KIF3B: variants seen among roughly 807,000 people sequenced by gnomAD.
The protein encoded by KIF3B is kinesin family member 3B, also known as kinesin-like protein KIF3B.
In KIF3B, 38 loss-of-function variants were observed where a neutral mutation model predicts 74.3. That is an observed-to-expected ratio of 0.51 (90% confidence interval 0.39 to 0.67). KIF3B has a LOEUF of 0.67. KIF3B is among the 30% of genes least tolerant of loss of function. The pLI, the probability that KIF3B is intolerant of heterozygous loss-of-function variation, is 0.00. For synonymous variants in KIF3B, 326 were observed against 342.5 expected, an observed-to-expected ratio of 0.95 and a Z score of 0.53; for missense variants, 649 against 932.0, an observed-to-expected ratio of 0.70 and a Z score of 3.95.
intron 5 of KIF3B, among the ~76,000 whole-genome samples, chr20:32,319,013 T>G (rs2047842994): frequency 6.6e-6 from 1 of 151,824 alleles, no homozygotes; most frequent in Non-Finnish European, 1.5e-5. Flanking sequence ...CAGGCTGGTG[T>G]GCAGAGGTGC....
intron 1 of KIF3B, among the ~76,000 whole-genome samples, chr20:32,306,901 C>G (rs994665020): frequency 3.9e-5 from 6 of 152,060 alleles, no homozygotes; most frequent in African/African-American, 9.7e-5. Context: ...CCTTTCCTCT[C>G]TCTTTAGGCT....
intron 5 of KIF3B, among the ~76,000 whole-genome samples, chr20:32,322,754 A>ATTTATATATATTTATATTTATT (rs1448706946): frequency 3.9e-4 from 17 of 43,388 alleles, no homozygotes; most frequent in African/African-American, 2.3e-3. Context: ...ATTTATATAT[A>ATTTATATATATTTATATTTATT]TATTTATATA....
At chr20:32,317,506 C>G (rs2047834109) in intron 5 of KIF3B, among the ~76,000 whole-genome samples, 1 of 152,102 alleles carries the variant, frequency 6.6e-6, no homozygotes, top group South Asian at 2.1e-4. Flanking sequence ...AATAAATACC[C>G]AAGTACCCAT....
At chr20:32,301,335 G>A (rs773082292) in intron 1 of KIF3B, among the ~76,000 whole-genome samples, 7 of 151,826 alleles carry the variant, frequency 4.6e-5, no homozygotes, top group Middle Eastern at 3.2e-3. Context: ...AAAGTGCTGG[G>A]ATTACAGGTG....
At chr20:32,284,513 G>A (rs1316675631) in intron 1 of KIF3B, among the ~76,000 whole-genome samples, 2 of 152,180 alleles carry the variant, frequency 1.3e-5, no homozygotes, top group Non-Finnish European at 2.9e-5. Flanking sequence ...TCTAGGCTGG[G>A]TGTAGTGGCT....
intron 1 of KIF3B, among the ~76,000 whole-genome samples, chr20:32,307,235 G>A (rs2047776060): frequency 6.6e-6 from 1 of 152,058 alleles, no homozygotes; most frequent in Admixed American, 6.6e-5. Flanking sequence ...CACCCAAAGT[G>A]CATAATTTAC....
At chr20:32,277,918 C>G (rs2047624068) in intron 1 of KIF3B, among the ~76,000 whole-genome samples, 153 bp downstream of exon 1, 1 of 152,234 alleles carries the variant, frequency 6.6e-6, no homozygotes. Context: ...CTTTGGTAGT[C>G]CGGACGGCCT....
chr20:32,331,125 C>T lies in KIF3B; in HGVS notation c.2148-98C>T, dbSNP rs2047927625. ...TACAGTTGAACTTGTCGTTTTCAGG[C>T]CATTGAAGAATGGCCTGAAATGAAA... On this transcript the variant is annotated intron_variant, in intron 8 of 8. Coordinates refer to ENST00000375712, the MANE Select transcript of KIF3B (RefSeq NM_004798.4). 1.1e-5 allele frequency: 10 copies of T among 880,380 alleles called. No homozygotes were observed. In the South Asian group the frequency reaches 1.3e-4, roughly 11 times the overall value. The allele number at this position is 880,380 out of a possible 1,614,324, so 54.5% of individuals were successfully genotyped here. A position where few individuals can be genotyped will look rare whatever the true frequency, so the allele number is the denominator to read the frequency against.
At chr20:32,330,081 C>T in intron 7 of KIF3B, 60 bp from the exon 8 acceptor site, 2 of 1,491,372 alleles carry the variant, frequency 1.3e-6, no homozygotes, top group Non-Finnish European at 1.8e-6. Context: ...CCCTCGATTG[C>T]TTGTACTGCC....
chr20:32,320,600 T>C (rs2047855519), intron 5 of KIF3B, among the ~76,000 whole-genome samples: 1 of 151,694 alleles, frequency 6.6e-6, no homozygotes, highest in Admixed American at 6.6e-5. Flanking sequence ...CTCACAGCCT[T>C]GACCTCTTGG....
At chr20:32,316,957 T>G in intron 5 of KIF3B, 83 bp downstream of exon 5, 1 of 1,054,682 alleles carries the variant, frequency 9.5e-7, no homozygotes, top group Non-Finnish European at 1.5e-6. Context: ...CAGCCCTGGC[T>G]GGGCTTGGTG....
chr20:32,308,115 A>C (rs985748288), intron 1 of KIF3B, among the ~76,000 whole-genome samples: 1 of 151,946 alleles, frequency 6.6e-6, no homozygotes, highest in African/African-American at 2.4e-5. Context: ...AGGTGCCTGT[A>C]GTCCCAGCTA....
At chr20:32,305,747 T>C (rs2047767366) in intron 1 of KIF3B, among the ~76,000 whole-genome samples, 1 of 151,504 alleles carries the variant, frequency 6.6e-6, no homozygotes, top group African/African-American at 2.4e-5. Context: ...GCTAAATTTT[T>C]GTATTTTTTT....
At chr20:32,293,821 G>A (rs573290308) in intron 1 of KIF3B, among the ~76,000 whole-genome samples, 2 of 152,196 alleles carry the variant, frequency 1.3e-5, no homozygotes, top group African/African-American at 4.8e-5. Flanking sequence ...CTTGAATTGC[G>A]TTAATCTTTG....
rs757271347 is a variant in KIF3B at position 32,309,816 on chromosome 20, G to A, written c.39G>A (p.Val13=). 8.1e-6 allele frequency: 13 copies of A among 1,613,994 alleles called. No individual in the cohort carries two copies. The African/African-American group carries it at 1.6e-4, about 20-fold the overall frequency. Residue 13 remains valine (V), a synonymous_variant, in exon 2 of 9, where the codon GTG becomes GTA. Coordinates refer to ENST00000375712, the MANE Select transcript of KIF3B (RefSeq NM_004798.4). ...AAAGCTCAGAGTCAGTCAGGGTGGT[G>A]GTTCGCTGTCGGCCCATGAATGGCA... is the stretch of plus-strand genomic sequence containing the variant. ...KLKSSESVRV[V]VRCRPMNGKE...
intron 1 of KIF3B, among the ~76,000 whole-genome samples, chr20:32,278,623 G>T (rs1399481584): frequency 6.6e-6 from 1 of 152,100 alleles, no homozygotes; most frequent in Non-Finnish European, 1.5e-5. Flanking sequence ...ACTTCTACAA[G>T]TAGTCCTGGG....
rs753674251 is a variant in KIF3B at position 32,310,876 on chromosome 20, G to A, written c.1099G>A (p.Ala367Thr). The A allele has an allele frequency of 6.2e-7, 1 of 1,613,898 alleles. No homozygotes were observed. The part of the protein sequence containing the change: ...EFQEEIARLK[A>T]QLEKRSIGRR... ...CCAGGAAGAGATTGCTCGGCTCAAGGCCCAGCTGGAAAAACGGTCCATTGG... is the reference window on the plus strand; with the variant it reads ...CCAGGAAGAGATTGCTCGGCTCAAGACCCAGCTGGAAAAACGGTCCATTGG... Residue 367 changes from alanine to threonine, a missense_variant, in exon 2 of 9, where the codon GCC (alanine) becomes ACC (threonine). By Grantham distance (58) the Ala-to-Thr change is moderately conservative. Around this residue, in one of 4 missense-constraint regions of KIF3B, gnomAD observed 363 missense variants for 592.8 expected, o/e 0.61. Transcript: ENST00000375712. The surrounding 1 kb of genome is among the most constrained non-coding windows in gnomAD (Gnocchi z 6.5).
chr20:32,316,883 C>A lies in KIF3B; in HGVS notation c.1748+9C>A. On this transcript the variant is annotated intron_variant, in intron 5 of 8. Coordinates refer to ENST00000375712, the MANE Select transcript of KIF3B (RefSeq NM_004798.4). ...AGGGAGCTGAAACTCAAGTAAGTGC[C>A]AGGCCTTCCATAGTGCCCCCAAGCC... is the stretch of plus-strand genomic sequence containing the variant. 1 of 1,585,178 alleles carries A rather than the reference C, an allele frequency of 6.3e-7. No individual in the cohort carries two copies. Among genetic ancestry groups the A allele is most frequent in the South Asian group, 1.1e-5 (1 of 90,492 alleles).
At chr20:32,314,309 G>A (rs532753084) in intron 2 of KIF3B, among the ~76,000 whole-genome samples, 5 of 152,196 alleles carry the variant, frequency 3.3e-5, no homozygotes, top group Admixed American at 6.5e-5. Context: ...GGAGGCCCAG[G>A]CAGGTGGATC....
Sources: allele counts gnomAD v4.1 joint callset (sites outside exome capture counted in the v4.1 genomes callset), GRCh38; gene constraint gnomAD v4.1.1; regional missense constraint gnomAD v4.1.1; non-coding constraint Gnocchi (gnomAD v3.1); transcripts MANE v1.5; gene names NCBI Gene and HGNC (gene_info 2026-07-23, HGNC 2026-07-21).